Variants in LTBP2 observed in about 807,000 individuals in gnomAD.
The protein encoded by LTBP2 is latent transforming growth factor beta binding protein 2.
In LTBP2, 103 loss-of-function variants were observed where a neutral mutation model predicts 210.6. That is an observed-to-expected ratio of 0.49 (90% confidence interval 0.42 to 0.58). The LOEUF (loss-of-function observed/expected upper bound fraction) is 0.58. Among genes scored for constraint, LTBP2 ranks in the 20% least tolerant of loss-of-function variants. The probability of loss-of-function intolerance (pLI) is 0.00; values close to 1 mark genes in which losing one functional copy is unlikely to be tolerated. For missense variants in LTBP2, 2,313 were observed against 2,494.5 expected (o/e 0.93, Z 1.55); for synonymous variants, 1,007 against 1,015.0 (o/e 0.99, Z 0.15).
At chr14:74,578,316 C>T (rs1221078781) in intron 3 of LTBP2, among the ~76,000 whole-genome samples, 6 of 152,186 alleles carry the variant, frequency 3.9e-5, no homozygotes, top group Non-Finnish European at 7.4e-5. Context: ...GCAGACACCC[C>T]GCGAATCGTG....
At chr14:74,601,366 T>G (rs2088444191) in intron 2 of LTBP2, among the ~76,000 whole-genome samples, 1 of 152,096 alleles carries the variant, frequency 6.6e-6, no homozygotes, top group Non-Finnish European at 1.5e-5. Flanking sequence ...GCCAACATGA[T>G]AAAACCTTGT....
intron 2 of LTBP2, among the ~76,000 whole-genome samples, chr14:74,592,822 G>A (rs2088300622): frequency 6.6e-6 from 1 of 152,144 alleles, no homozygotes; most frequent in South Asian, 2.1e-4. Flanking sequence ...GCAGAAGACG[G>A]AATACCCCCC....
At chr14:74,578,830 C>A (rs1399390341) in intron 3 of LTBP2, among the ~76,000 whole-genome samples, 5 of 152,208 alleles carry the variant, frequency 3.3e-5, no homozygotes, top group South Asian at 2.1e-4. Context: ...CTGTTCCCAG[C>A]CACTCTGTTC....
intron 3 of LTBP2, among the ~76,000 whole-genome samples, chr14:74,564,601 T>A (rs1595279950): frequency 6.6e-6 from 1 of 150,680 alleles, no homozygotes; most frequent in Non-Finnish European, 1.5e-5. Flanking sequence ...GCCAGGCTGG[T>A]CTTGAACTCT....
chr14:74,550,676 T>C (rs1992304), intron 7 of LTBP2, among the ~76,000 whole-genome samples: 127,862 of 152,106 alleles, frequency 0.84, 55,722 homozygotes, highest in Non-Finnish European at 0.97. Context: ...CACACCTCTG[T>C]GACCCCAACT....
chr14:74,519,277 G>C (rs2087172774), intron 17 of LTBP2, among the ~76,000 whole-genome samples: 1 of 152,074 alleles, frequency 6.6e-6, no homozygotes, highest in African/African-American at 2.4e-5. Flanking sequence ...CAAAATGGGA[G>C]CATTGCAATT....
In LTBP2 at chr14:74,508,855, C is replaced by G. The variant is rs1224001156; in HGVS notation, c.3501G>C (p.Gln1167His). 1 of 1,613,816 alleles carries G rather than the reference C, an allele frequency of 6.2e-7. No homozygotes were observed. Among genetic ancestry groups the G allele is most frequent in the South Asian group, 1.1e-5 (1 of 91,090 alleles). ...SYQCLCPQGFQLANGTVCEDV... is the reference protein window; with the variant it reads ...SYQCLCPQGFHLANGTVCEDV... ...CCTCACACACGGTGCCATTGGCCAG[C>G]TGGAAGCCCTGGGGACAGAGGCACT... Residue 1167 changes from glutamine (Q) to histidine (H), a missense_variant, in exon 23 of 36, where the codon CAG becomes CAC. Gln to His is a conservative substitution (Grantham distance 24). Around this residue, in one of 3 missense-constraint regions of LTBP2, gnomAD observed 1,867 missense variants for 1,976.9 expected, o/e 0.94. Transcript: ENST00000261978.
chr14:74,583,032 C>T (rs2088158153), intron 3 of LTBP2, among the ~76,000 whole-genome samples: 1 of 152,228 alleles, frequency 6.6e-6, no homozygotes, highest in African/African-American at 2.4e-5. Context: ...TCTCCAGGCC[C>T]CTCCAGTCAG....
chr14:74,609,627 GC>G (rs1048749230), intron 1 of LTBP2, among the ~76,000 whole-genome samples: 2 of 151,908 alleles, frequency 1.3e-5, no homozygotes, highest in Non-Finnish European at 2.9e-5. Context: ...TCACCTCCAG[GC>G]CCCCCTCCTG....
intron 8 of LTBP2, among the ~76,000 whole-genome samples, chr14:74,542,464 A>G (rs2087520618): frequency 2.0e-5 from 3 of 152,166 alleles, no homozygotes; most frequent in Non-Finnish European, 4.4e-5. Flanking sequence ...AAGCTGTGCC[A>G]ATCTCAGCCT....
chr14:74,498,886 C>G lies in LTBP2; in HGVS notation c.*1998G>C, dbSNP rs1307492773. The G allele has an allele frequency of 4.4e-6, 1 of 226,694 alleles. No individual in the cohort carries two copies. The highest frequency in any genetic ancestry group is 6.4e-5 in the East Asian group (1 of 15,720). The allele number at this position is 226,694 out of a possible 1,614,324, so 14.0% of individuals were successfully genotyped here. A position where few individuals can be genotyped will look rare whatever the true frequency, so the allele number is the denominator to read the frequency against. ...TCTTTCTTAAGGAATTTAGAGCCAC[C>G]TTTTTTAAGGGTTCCATAGCAATTA... is the stretch of plus-strand genomic sequence containing the variant. On this transcript the variant is annotated 3_prime_UTR_variant, in exon 36 of 36. Coordinates refer to ENST00000261978, the MANE Select transcript of LTBP2 (RefSeq NM_000428.3).
rs2088210048 is a variant in LTBP2 at position 74,586,684 on chromosome 14, G to A, written c.566-566C>T. Among the ~76,000 whole-genome samples the A allele has an allele frequency of 1.3e-5, 2 of 152,144 alleles. No individual in the cohort carries two copies. Among genetic ancestry groups the A allele is most frequent in the South Asian group, 4.1e-4 (2 of 4,836 alleles). Reference sequence around the variant, plus strand: ...TCTATTTGCGCCTAAATCACGGGAGGGGTGAACTAAGGAGGCTGGAGGACT... The same window carrying A: ...TCTATTTGCGCCTAAATCACGGGAGAGGTGAACTAAGGAGGCTGGAGGACT... On this transcript the variant is annotated intron_variant, in intron 2 of 35. Transcript: ENST00000261978. The surrounding 1 kb of genome is among the most constrained non-coding windows in gnomAD (Gnocchi z 4.6).
Position 74,500,368 on chromosome 14 carries a change from G to T in LTBP2, c.*516C>A, listed in dbSNP as rs549805387. ...AATCAGGGCCCAGAACAGATTGGCT[G>T]AGTGGTGGTGATGGTTCTTAGGAGG... On this transcript the variant is annotated 3_prime_UTR_variant, in exon 36 of 36. Transcript: ENST00000261978. 16 of 323,490 alleles carry T rather than the reference G, an allele frequency of 4.9e-5. No individual in the cohort carries two copies. The highest frequency in any genetic ancestry group is 3.3e-4 in the African/African-American group (16 of 48,538). The allele number at this position is 323,490 out of a possible 1,614,324, so 20.0% of individuals were successfully genotyped here. A position where few individuals can be genotyped will look rare whatever the true frequency, so the allele number is the denominator to read the frequency against.
intron 8 of LTBP2, among the ~76,000 whole-genome samples, chr14:74,549,286 T>C (rs1876975655): frequency 6.6e-6 from 1 of 150,678 alleles, no homozygotes; most frequent in South Asian, 2.2e-4. Flanking sequence ...CCTTGGCACA[T>C]ACAAGGCACC....
intron 26 of LTBP2, 57 bp from the exon 27 acceptor site, chr14:74,506,880 CGCGCGCGCGTGTGT>C (rs2086997851): frequency 4.0e-6 from 6 of 1,514,182 alleles, no homozygotes; most frequent in East Asian, 4.7e-5. Context: ...TGTGTGTGTG[CGCGCGCGCGTGTGT>C]GCTCACTCTC....
chr14:74,611,929 T>C lies in LTBP2; in HGVS notation c.16A>G (p.Lys6Glu). Residue 6 changes from lysine to glutamate, a missense_variant, in exon 1 of 36, where the codon AAA becomes GAA. Coordinates refer to ENST00000261978, the MANE Select transcript of LTBP2 (RefSeq NM_000428.3). ...AGGGCGCGCCCCGGGCTGCGGGCTT[T>C]GGTCCGCGGCCTCATGGCGCGGGGC... is the stretch of plus-strand genomic sequence containing the variant. Reference protein sequence around the residue: MRPRTKARSPGRALRN... With the variant: MRPRTEARSPGRALRN... 6.3e-7 allele frequency: 1 copy of C among 1,585,482 alleles called. No homozygotes were observed. The highest frequency in any genetic ancestry group is 8.5e-7 in the Non-Finnish European group (1 of 1,169,864).
chr14:74,541,728 C>A (rs1407582445), intron 8 of LTBP2, among the ~76,000 whole-genome samples: 5 of 151,960 alleles, frequency 3.3e-5, no homozygotes, highest in African/African-American at 1.2e-4. Flanking sequence ...AAACCTCTAC[C>A]CTGTTTTTAA....
chr14:74,598,294 G>T (rs139213264), intron 2 of LTBP2, among the ~76,000 whole-genome samples: 1 of 152,318 alleles, frequency 6.6e-6, no homozygotes, highest in African/African-American at 2.4e-5. Context: ...CTGAGATGGG[G>T]ACTTGGGGAA....
chr14:74,539,247 G>GT (rs1043606143), intron 8 of LTBP2, among the ~76,000 whole-genome samples: 3 of 152,322 alleles, frequency 2.0e-5, no homozygotes, highest in African/African-American at 7.2e-5. Flanking sequence ...ACTGACCCAG[G>GT]TAACAAAGTT....
Sources: allele counts gnomAD v4.1 joint callset (sites outside exome capture counted in the v4.1 genomes callset), GRCh38; gene constraint gnomAD v4.1.1; regional missense constraint gnomAD v4.1.1; non-coding constraint Gnocchi (gnomAD v3.1); transcripts MANE v1.5; gene names NCBI Gene and HGNC (gene_info 2026-07-23, HGNC 2026-07-21).